The following UQCRC2 variants were observed in gnomAD, a reference collection of about 807,000 sequenced individuals.
UQCRC2 encodes the protein cytochrome b-c1 complex subunit 2, mitochondrial.
In UQCRC2, 49 loss-of-function variants were observed where a neutral mutation model predicts 55.6. The ratio of observed to expected loss-of-function variants is 0.88; its 90% CI spans 0.70 to 1.12. UQCRC2 has a LOEUF of 1.12. UQCRC2 is among the 50% of genes most tolerant of loss of function. The pLI, the probability that UQCRC2 is intolerant of heterozygous loss-of-function variation, is 0.00. For missense variants in UQCRC2, 506 were observed against 547.8 expected, an observed-to-expected ratio of 0.92 and a Z score of 0.76; for synonymous variants, 193 against 192.0, an observed-to-expected ratio of 1.01 and a Z score of -0.04.
intron 1 of UQCRC2, among the ~76,000 whole-genome samples, chr16:21,956,904 A>G (rs1249593017): frequency 6.6e-6 from 1 of 152,052 alleles, no homozygotes; most frequent in African/African-American, 2.4e-5. Context: ...CTCTACTAAA[A>G]AATACAAAAC....
At chr16:21,970,260 G>A (rs985107843) in intron 8 of UQCRC2, among the ~76,000 whole-genome samples, 3 of 152,106 alleles carry the variant, frequency 2.0e-5, no homozygotes, top group Admixed American at 6.6e-5. Flanking sequence ...AAACATTCAC[G>A]TGTACATTTT....
At chr16:21,974,755 G>A (rs1337314637) in intron 11 of UQCRC2, among the ~76,000 whole-genome samples, 6 of 152,176 alleles carry the variant, frequency 3.9e-5, no homozygotes, top group African/African-American at 1.2e-4. Context: ...AGCAGATATC[G>A]GAGATAGAAA....
At chr16:21,980,817 CTACT>C (rs1427718353) in intron 13 of UQCRC2, 117 bp downstream of exon 13, 1 of 1,230,468 alleles carries the variant, frequency 8.1e-7, no homozygotes, top group African/African-American at 1.5e-5. Flanking sequence ...TGGTGCTCAT[CTACT>C]TAATGTGGAG....
chr16:21,976,489 T>C, intron 12 of UQCRC2: 1 of 384,028 alleles, frequency 2.6e-6, no homozygotes, highest in African/African-American at 2.1e-5. Context: ...ACCAGGAGTT[T>C]GAGACCAGCT....
chr16:21,976,270 A>G, intron 12 of UQCRC2, 27 bp downstream of exon 12: 2 of 1,565,208 alleles, frequency 1.3e-6, no homozygotes, highest in Non-Finnish European at 1.8e-6. Context: ...ACTGTGTTTT[A>G]TGTTTTTGTT....
At position 21,983,267 on chromosome 16, in the gene UQCRC2, T is replaced by G. The variant is rs1245722323; in HGVS notation, c.*96T>G. On this transcript the variant is annotated 3_prime_UTR_variant, in exon 14 of 14. Transcript: ENST00000268379. ...GAAGTCTCTAATATATCATTTGTCTTTTTTCCAGTGAGGTAAAATAAGGCA... is the reference window on the plus strand; with the variant it reads ...GAAGTCTCTAATATATCATTTGTCTGTTTTCCAGTGAGGTAAAATAAGGCA... 2.7e-6 allele frequency: 3 copies of G among 1,124,918 alleles called. No individual in the cohort carries two copies. Among genetic ancestry groups the G allele is most frequent in the Non-Finnish European group, 3.8e-6 (3 of 784,954 alleles). The allele number at this position is 1,124,918 out of a possible 1,614,324, so 69.7% of individuals were successfully genotyped here. A position where few individuals can be genotyped will look rare whatever the true frequency, so the allele number is the denominator to read the frequency against.
Position 21,953,431 on chromosome 16 carries a change from T to C in UQCRC2, c.8T>C (p.Leu3Pro), listed in dbSNP as rs1001247469. The C allele has an allele frequency of 1.9e-6, 3 of 1,612,178 alleles. No individual in the cohort carries two copies. The African/African-American group carries it at 4.0e-5, about 22-fold the overall frequency. Residue 3 changes from leucine to proline, a missense_variant, in exon 1 of 14, where the codon CTA (leucine) becomes CCA (proline). Physicochemically the swap from Leu to Pro is moderately conservative, Grantham distance 98. Coordinates refer to ENST00000268379, the MANE Select transcript of UQCRC2 (RefSeq NM_003366.4). MK[L>P]LTRAGSFSRF... Reference sequence around the variant, plus strand: ...TCAGAACAATCTTGAATCATGAAGCTACTAACCAGAGCCGGCTCTTTCTCG... The same window carrying C: ...TCAGAACAATCTTGAATCATGAAGCCACTAACCAGAGCCGGCTCTTTCTCG...
In UQCRC2 at chr16:21,957,229, G is replaced by A. The variant is rs748329790; in HGVS notation, c.34-6G>A. ...AATACGTGTAACCTGTGTTTTTTAT[G>A]TTTAGAGATTTTATTCCCTCAAAGT... On this transcript the variant is annotated splice_region_variant and splice_polypyrimidine_tract_variant and intron_variant, in intron 1 of 13. Coordinates refer to ENST00000268379, the MANE Select transcript of UQCRC2 (RefSeq NM_003366.4). 9 of 1,613,164 alleles carry A rather than the reference G, an allele frequency of 5.6e-6. No homozygotes were observed. The South Asian group carries it at 9.9e-5, about 18-fold the overall frequency.
intron 7 of UQCRC2, chr16:21,968,420 A>G (rs1898379374): frequency 2.4e-6 from 1 of 413,270 alleles, no homozygotes; most frequent in Non-Finnish European, 4.3e-6. Context: ...TTGTGCAACC[A>G]TGACCACAAT....
intron 3 of UQCRC2, 69 bp downstream of exon 3, chr16:21,957,635 T>C (rs1898110868): frequency 6.4e-7 from 1 of 1,556,514 alleles, no homozygotes; most frequent in Admixed American, 1.9e-5. Flanking sequence ...AAAGAAAAAC[T>C]AAGATCAATG....
At chr16:21,958,512 A>G in intron 3 of UQCRC2, 23 bp from the exon 4 acceptor site, 7 of 1,610,282 alleles carry the variant, frequency 4.3e-6, no homozygotes, top group Non-Finnish European at 5.1e-6. Flanking sequence ...AGCTACAAAG[A>G]TAATCATTCT....
rs547502753 is a variant in UQCRC2, at chr16:21,978,640, C to CA, written c.1125-1902dup. On this transcript the variant is annotated intron_variant, in intron 12 of 13. Coordinates refer to ENST00000268379, the MANE Select transcript of UQCRC2 (RefSeq NM_003366.4). ...CTAGATCTAAGTTCTAGTCCCAAAT[C>CA]AAAAAGCAATCTGTGGAGTTTTCAG... is the stretch of plus-strand genomic sequence containing the variant. Among the ~76,000 whole-genome samples, 25 of 152,264 alleles carry CA rather than the reference C, an allele frequency of 1.6e-4. 1 individual carries two copies. The South Asian group carries it at 4.8e-3, about 29-fold the overall frequency.
chr16:21,962,400 A>G, intron 4 of UQCRC2, 60 bp from the exon 5 acceptor site: 1 of 1,594,334 alleles, frequency 6.3e-7, no homozygotes. Flanking sequence ...ATAGAAGATT[A>G]TAAGGGAAAG....
Position 21,953,439 on chromosome 16 carries a change from A to G in UQCRC2, c.16A>G (p.Arg6Gly). 1.2e-6 allele frequency: 2 copies of G among 1,612,836 alleles called. No homozygotes were observed. Among genetic ancestry groups the G allele is most frequent in the South Asian group, 2.2e-5 (2 of 90,830 alleles). The change falls in exon 1 of 14, where the codon AGA becomes GGA. Residue 6 changes from arginine (R) to glycine (G), a missense_variant. Arg to Gly is a moderately radical substitution (Grantham distance 125). Coordinates refer to ENST00000268379, the MANE Select transcript of UQCRC2 (RefSeq NM_003366.4). ...ATCTTGAATCATGAAGCTACTAACCAGAGCCGGCTCTTTCTCGGTGAGCTC... is the reference window on the plus strand; with the variant it reads ...ATCTTGAATCATGAAGCTACTAACCGGAGCCGGCTCTTTCTCGGTGAGCTC... MKLLT[R>G]AGSFSRFYSL...
chr16:21,964,628 A>T (rs556446213), intron 6 of UQCRC2, among the ~76,000 whole-genome samples: 34 of 152,234 alleles, frequency 2.2e-4, no homozygotes, highest in Middle Eastern at 3.4e-3. Flanking sequence ...TTCCCCTGGG[A>T]AACACCAGCT....
Position 21,972,105 on chromosome 16 carries a change from A to G in UQCRC2, c.949A>G (p.Thr317Ala). The G allele has an allele frequency of 6.2e-7, 1 of 1,613,632 alleles. No individual in the cohort carries two copies. The highest frequency in any genetic ancestry group is 1.1e-5 in the South Asian group (1 of 91,010). Residue 317 changes from threonine (T) to alanine (A), a missense_variant, in exon 10 of 14, where the codon ACT (threonine) becomes GCT (alanine). By Grantham distance (58) the Thr-to-Ala change is moderately conservative. Coordinates refer to ENST00000268379, the MANE Select transcript of UQCRC2 (RefSeq NM_003366.4). ...SHLHQAVAKA[T>A]QQPFDVSAFN... Reference sequence around the variant, plus strand: ...TCTGCACCAGGCTGTTGCCAAGGCAACTCAGCAGCCATTTGATGTGAGTCT... The same window carrying G: ...TCTGCACCAGGCTGTTGCCAAGGCAGCTCAGCAGCCATTTGATGTGAGTCT...
In UQCRC2 at chr16:21,962,533, G is replaced by A. The variant is rs567343943; in HGVS notation, c.389+17G>A. On this transcript the variant is annotated intron_variant, in intron 5 of 13. Coordinates refer to ENST00000268379, the MANE Select transcript of UQCRC2 (RefSeq NM_003366.4). Reference sequence around the variant, plus strand: ...GGGTGATGTGTAAGTACCTGTGTGTGTTTAGGACTTCTGCTTTGAAAGAAA... The same window carrying A: ...GGGTGATGTGTAAGTACCTGTGTGTATTTAGGACTTCTGCTTTGAAAGAAA... 1.2e-6 allele frequency: 2 copies of A among 1,614,108 alleles called. No individual in the cohort carries two copies. Among genetic ancestry groups the A allele is most frequent in the Admixed American group, 1.7e-5 (1 of 59,998 alleles).
intron 1 of UQCRC2, among the ~76,000 whole-genome samples, chr16:21,956,279 C>T (rs556586489): frequency 6.6e-6 from 1 of 152,206 alleles, no homozygotes; most frequent in Admixed American, 6.5e-5. Flanking sequence ...TGTGGTGGCT[C>T]CCACCTGTAA....
chr16:21,968,145 G>T (rs1427775547), intron 7 of UQCRC2, among the ~76,000 whole-genome samples: 1 of 151,836 alleles, frequency 6.6e-6, no homozygotes, highest in East Asian at 1.9e-4. Flanking sequence ...GGGATTACAG[G>T]CGTGCACCAC....
Sources: gnomAD v4.1 joint callset for allele counts (sites outside exome capture counted in the v4.1 genomes callset) on GRCh38, gnomAD v4.1.1 for gene constraint, MANE v1.5 for transcripts, NCBI Gene and HGNC (gene_info 2026-07-23, HGNC 2026-07-21) for gene names.